Variants in SEMA3C observed in about 807,000 individuals in gnomAD.
SEMA3C encodes semaphorin 3C.
SEMA3C carries 47 observed loss-of-function variants against 89.4 expected under a neutral mutation model. The observed-to-expected ratio is 0.53, with a 90% CI of 0.42 to 0.67. The LOEUF is 0.67. SEMA3C is among the 30% of genes least tolerant of loss of function. The probability of loss-of-function intolerance (pLI) is 0.00; values close to 1 mark genes in which losing one functional copy is unlikely to be tolerated. For missense variants in SEMA3C, 839 were observed against 929.1 expected (o/e 0.90, Z 1.26); for synonymous variants, 310 against 320.2 (o/e 0.97, Z 0.34).
At chr7:80,865,617 G>A (rs751507366) in intron 2 of SEMA3C, among the ~76,000 whole-genome samples, 19 of 151,800 alleles carry the variant, frequency 1.3e-4, no homozygotes, top group Non-Finnish European at 2.4e-4. Context: ...GCGAAACCCC[G>A]TCTCTACTAA....
At chr7:80,841,546 C>A (rs902377604) in intron 2 of SEMA3C, among the ~76,000 whole-genome samples, 1 of 152,086 alleles carries the variant, frequency 6.6e-6, no homozygotes, top group Non-Finnish European at 1.5e-5. Flanking sequence ...TAGGCAATGA[C>A]AGAAACATCA....
chr7:80,845,587 G>T (rs1790370654), intron 2 of SEMA3C, among the ~76,000 whole-genome samples: 1 of 152,058 alleles, frequency 6.6e-6, no homozygotes, highest in African/African-American at 2.4e-5. Flanking sequence ...CCTCTAAAAT[G>T]TCTCTCATAT....
rs140093019 is a variant in SEMA3C, at chr7:80,761,337, C to T, written c.1485+279G>A. The stretch of plus-strand genomic sequence containing the variant: ...TTTTATTTCGGTTGGCTTCACACAC[C>T]GTAATATTTGAGAAAATCAGATATA... On this transcript the variant is annotated intron_variant, in intron 14 of 17. Transcript: ENST00000265361. Among the ~76,000 whole-genome samples, 9 of 152,148 alleles carry T rather than the reference C, an allele frequency of 5.9e-5. No homozygotes were observed. In the South Asian group the frequency reaches 6.2e-4, roughly 11 times the overall value.
intron 2 of SEMA3C, among the ~76,000 whole-genome samples, chr7:80,874,277 C>A (rs771764768): frequency 1.3e-5 from 2 of 152,072 alleles, no homozygotes; most frequent in African/African-American, 2.4e-5. Flanking sequence ...CATTCCAATT[C>A]CTTAGGTGCT....
At chr7:80,753,026 G>GA (rs557626012) in intron 15 of SEMA3C, among the ~76,000 whole-genome samples, 2 of 152,054 alleles carry the variant, frequency 1.3e-5, no homozygotes, top group African/African-American at 2.4e-5. Flanking sequence ...CATTGATAGT[G>GA]AAAAAAAGCT....
intron 2 of SEMA3C, among the ~76,000 whole-genome samples, chr7:80,866,570 T>C (rs1219726430): frequency 6.6e-6 from 1 of 152,200 alleles, no homozygotes; most frequent in Non-Finnish European, 1.5e-5. Flanking sequence ...TAATGACGGC[T>C]ATGCATAATT....
chr7:80,887,013 ATAAAT>A (rs1441138159), intron 2 of SEMA3C, among the ~76,000 whole-genome samples: 2 of 152,318 alleles, frequency 1.3e-5, no homozygotes, highest in East Asian at 3.9e-4. Context: ...AATATGTTAT[ATAAAT>A]TAAATTAACT....
chr7:80,785,644 A>C (rs1396164487), intron 12 of SEMA3C, among the ~76,000 whole-genome samples: 2 of 152,324 alleles, frequency 1.3e-5, no homozygotes, highest in East Asian at 3.9e-4. Flanking sequence ...ATTTCACCAG[A>C]GTTTCACTCT....
rs184053464 is a variant in SEMA3C at position 80,856,516 on chromosome 7, A to G, written c.104-27771T>C. 2.0e-3 allele frequency among the ~76,000 whole-genome samples: 296 copies of G among 148,056 alleles called. 1 individual carries two copies. The highest frequency in any genetic ancestry group is 7.1e-3 in the African/African-American group (282 of 39,882). Reference sequence around the variant, plus strand: ...CCAGCCAGAGATTTTCAAAGTGTACACAATTCTGCATTGGTTAAGGAAAAA... The same window carrying G: ...CCAGCCAGAGATTTTCAAAGTGTACGCAATTCTGCATTGGTTAAGGAAAAA... On this transcript the variant is annotated intron_variant, in intron 2 of 17. Coordinates refer to ENST00000265361, the MANE Select transcript of SEMA3C (RefSeq NM_006379.5).
intron 2 of SEMA3C, among the ~76,000 whole-genome samples, chr7:80,904,291 T>G (rs1177571417): frequency 6.6e-6 from 1 of 152,146 alleles, no homozygotes; most frequent in Non-Finnish European, 1.5e-5. Context: ...TCCACCCACC[T>G]CAGCTCTCCA....
intron 2 of SEMA3C, among the ~76,000 whole-genome samples, chr7:80,874,789 C>T (rs1328352873): frequency 6.6e-6 from 1 of 152,038 alleles, no homozygotes; most frequent in East Asian, 1.9e-4. Context: ...ATTTACTCTT[C>T]TCTCTTAGTT....
rs573631878 is a variant in SEMA3C, at chr7:80,893,891, T to C, written c.103+22788A>G. 1.2e-4 allele frequency among the ~76,000 whole-genome samples: 18 copies of C among 152,188 alleles called. No homozygotes were observed. In the South Asian group the frequency reaches 3.3e-3, roughly 28 times the overall value. On this transcript the variant is annotated intron_variant, in intron 2 of 17. Coordinates refer to ENST00000265361, the MANE Select transcript of SEMA3C (RefSeq NM_006379.5). ...TTGAAACAGACAAGCACTTTTAAAA[T>C]GTAAACAACGTTACAACGTTATGAG...
intron 14 of SEMA3C, 71 bp from the exon 15 acceptor site, chr7:80,758,559 A>G: frequency 7.2e-7 from 1 of 1,390,926 alleles, no homozygotes; most frequent in Non-Finnish European, 1.0e-6. Context: ...GGAACACATT[A>G]TAATATATGC....
At chr7:80,759,054 T>C (rs1351470738) in intron 14 of SEMA3C, among the ~76,000 whole-genome samples, 1 of 152,190 alleles carries the variant, frequency 6.6e-6, no homozygotes, top group Non-Finnish European at 1.5e-5. Flanking sequence ...AATATCGGTA[T>C]TTATATTTAA....
intron 12 of SEMA3C, among the ~76,000 whole-genome samples, chr7:80,775,305 T>C (rs1363399358): frequency 1.3e-5 from 2 of 152,036 alleles, no homozygotes; most frequent in East Asian, 1.9e-4. Context: ...GGTTTGTAGG[T>C]AGAAGTTTTG....
intron 15 of SEMA3C, among the ~76,000 whole-genome samples, chr7:80,757,608 T>A (rs1220888401): frequency 1.3e-5 from 2 of 152,230 alleles, no homozygotes; most frequent in African/African-American, 4.8e-5. Flanking sequence ...TATCCTTGTT[T>A]ACAAGATAAT....
At chr7:80,818,536 A>G (rs1264661866) in intron 4 of SEMA3C, 118 bp from the exon 5 acceptor site, 4 of 1,183,544 alleles carry the variant, frequency 3.4e-6, no homozygotes, top group Non-Finnish European at 4.8e-6. Flanking sequence ...TAAACTTTTG[A>G]TGTATTAGTC....
Position 80,795,253 on chromosome 7 carries a change from C to A in SEMA3C, c.1131+2839G>T, listed in dbSNP as rs151244935. Among the ~76,000 whole-genome samples the A allele has an allele frequency of 1.7e-3, 252 of 152,274 alleles. 2 individuals are homozygous for A. The highest frequency in any genetic ancestry group is 5.6e-3 in the African/African-American group (233 of 41,568). The stretch of plus-strand genomic sequence containing the variant: ...TGCCACTCTTGAGTCAGAGAGCTGA[C>A]TTCATGGTGTTTTGCTGGTTGAAGG... On this transcript the variant is annotated intron_variant, in intron 11 of 17. Coordinates refer to ENST00000265361, the MANE Select transcript of SEMA3C (RefSeq NM_006379.5).
At chr7:80,883,067 T>C (rs1447920237) in intron 2 of SEMA3C, among the ~76,000 whole-genome samples, 1 of 152,138 alleles carries the variant, frequency 6.6e-6, no homozygotes, top group Non-Finnish European at 1.5e-5. Context: ...ATTAGGTAAA[T>C]TGCTTTGAAT....
Sources: allele counts gnomAD v4.1 joint callset (sites outside exome capture counted in the v4.1 genomes callset), GRCh38; gene constraint gnomAD v4.1.1; transcripts MANE v1.5; gene names NCBI Gene and HGNC (gene_info 2026-07-23, HGNC 2026-07-21).